The following SETBP1 variants were observed in gnomAD, a reference collection of about 807,000 sequenced individuals.
SETBP1 encodes the protein SET-binding protein.
SETBP1 carries 9 observed loss-of-function variants against 101.0 expected under a neutral mutation model. The ratio of observed to expected loss-of-function variants is 0.09; its 90% CI spans 0.05 to 0.16. The LOEUF is 0.16. Among genes scored for constraint, SETBP1 ranks in the 10% least tolerant of loss-of-function variants. The pLI, the probability that SETBP1 is intolerant of heterozygous loss-of-function variation, is 1.00. For missense variants in SETBP1, 1,858 were observed against 2,033.8 expected (o/e 0.91, Z 1.66); for synonymous variants, 818 against 788.5 (o/e 1.04, Z -0.63).
At chr18:44,869,194 A>G (rs2069211390) in intron 2 of SETBP1, 36 bp from the exon 3 acceptor site, 1 of 1,604,358 alleles carries the variant, frequency 6.2e-7, no homozygotes, top group Admixed American at 1.7e-5. Context: ...GCAAACTGAA[A>G]AGTGTCACTG....
Position 44,991,282 on chromosome 18 carries a change from C to T in SETBP1, c.4000+37942C>T, listed in dbSNP as rs536075558. On this transcript the variant is annotated intron_variant, in intron 4 of 5. Coordinates refer to ENST00000649279, the MANE Select transcript of SETBP1 (RefSeq NM_015559.3). ...AAAAAAAAAAGGAAGAAACAAGAAA[C>T]GGAAAATTGGACAATATAAATCATG... Among the ~76,000 whole-genome samples, 10 of 134,660 alleles carry T rather than the reference C, an allele frequency of 7.4e-5. No homozygotes were observed. The South Asian group carries it at 1.9e-3, about 26-fold the overall frequency. The allele number at this position is 134,660 out of a possible 152,430, so 88.3% of individuals were successfully genotyped here.
chr18:44,845,750 A>T (rs1013822706), intron 2 of SETBP1, among the ~76,000 whole-genome samples: 1 of 152,182 alleles, frequency 6.6e-6, no homozygotes. Flanking sequence ...TTTCTCATTT[A>T]TCTAAATTCT....
chr18:44,795,262 A>G (rs1313540285), intron 2 of SETBP1, among the ~76,000 whole-genome samples: 2 of 152,152 alleles, frequency 1.3e-5, no homozygotes, highest in African/African-American at 2.4e-5. Flanking sequence ...CTGAAATAGC[A>G]TGGGTGGTCT....
intron 2 of SETBP1, among the ~76,000 whole-genome samples, chr18:44,820,239 G>T (rs2072082155): frequency 6.6e-6 from 1 of 152,230 alleles, no homozygotes; most frequent in South Asian, 2.1e-4. Flanking sequence ...TGAACCTACA[G>T]CCTAGTCAAC....
chr18:44,737,380 G>A (rs184522053), intron 2 of SETBP1, among the ~76,000 whole-genome samples: 1 of 152,296 alleles, frequency 6.6e-6, no homozygotes, highest in Admixed American at 6.5e-5. Flanking sequence ...CTGGGGAGAG[G>A]ACTGGTTTCT....
intron 2 of SETBP1, among the ~76,000 whole-genome samples, chr18:44,799,438 C>T (rs551733688): frequency 6.6e-6 from 1 of 152,190 alleles, no homozygotes; most frequent in South Asian, 2.1e-4. Context: ...TGCAGGCATG[C>T]GTAGAAACAC....
intron 4 of SETBP1, among the ~76,000 whole-genome samples, chr18:45,006,618 G>T (rs927948290): frequency 4.6e-5 from 7 of 152,086 alleles, no homozygotes; most frequent in Admixed American, 4.6e-4. Flanking sequence ...ATTTCTTATG[G>T]CATTCGCCCT....
At chr18:44,751,114 A>T (rs1324985987) in intron 2 of SETBP1, among the ~76,000 whole-genome samples, 1 of 152,224 alleles carries the variant, frequency 6.6e-6, no homozygotes, top group Admixed American at 6.5e-5. Context: ...GGACATGGCA[A>T]AGTAAAGTTT....
At chr18:44,755,349 C>T (rs186787760) in intron 2 of SETBP1, among the ~76,000 whole-genome samples, 379 of 152,228 alleles carry the variant, frequency 2.5e-3, no homozygotes, top group Non-Finnish European at 4.1e-3. Context: ...GACATGAGTC[C>T]GTGGACTGAG....
intron 2 of SETBP1, among the ~76,000 whole-genome samples, chr18:44,857,406 A>T (rs1568183809): frequency 6.6e-6 from 1 of 152,200 alleles, no homozygotes; most frequent in Non-Finnish European, 1.5e-5. Context: ...AGGCTGTCAG[A>T]TCAGAAAGGA....
At chr18:44,809,164 G>A (rs745659534) in intron 2 of SETBP1, among the ~76,000 whole-genome samples, 2 of 152,148 alleles carry the variant, frequency 1.3e-5, no homozygotes, top group Non-Finnish European at 2.9e-5. Context: ...ATAGTTGGAT[G>A]AATCTTTCAA....
intron 3 of SETBP1, among the ~76,000 whole-genome samples, chr18:44,921,216 T>C (rs1307509649): frequency 1.3e-5 from 2 of 152,242 alleles, no homozygotes; most frequent in Non-Finnish European, 2.9e-5. Context: ...AGAACCTAAC[T>C]ACAGTGTAAT....
At chr18:44,727,856 G>A (rs1339687954) in intron 2 of SETBP1, among the ~76,000 whole-genome samples, 1 of 152,046 alleles carries the variant, frequency 6.6e-6, no homozygotes, top group African/African-American at 2.4e-5. Context: ...CCACTTCTTG[G>A]TCTTATCTAA....
At chr18:44,816,556 A>C (rs1322580124) in intron 2 of SETBP1, among the ~76,000 whole-genome samples, 2 of 152,184 alleles carry the variant, frequency 1.3e-5, no homozygotes, top group African/African-American at 2.4e-5. Context: ...ATCAAAATCC[A>C]GTTATCAAGC....
At chr18:45,042,854 C>T (rs922835335) in intron 5 of SETBP1, among the ~76,000 whole-genome samples, 6 of 152,036 alleles carry the variant, frequency 3.9e-5, no homozygotes, top group East Asian at 1.9e-4. Flanking sequence ...CAGTGGCTGC[C>T]GGAGGTGCTC....
intron 4 of SETBP1, among the ~76,000 whole-genome samples, chr18:45,010,232 G>A (rs887510688): frequency 6.6e-6 from 1 of 152,108 alleles, no homozygotes; most frequent in African/African-American, 2.4e-5. Context: ...CTTAACTCCT[G>A]GACCCAAAAG....
At chr18:45,010,026 C>A (rs980559905) in intron 4 of SETBP1, among the ~76,000 whole-genome samples, 9 of 152,260 alleles carry the variant, frequency 5.9e-5, no homozygotes, top group African/African-American at 2.2e-4. Flanking sequence ...TTACTGAGCA[C>A]AACTGGAGGA....
At chr18:44,857,155 T>A (rs899702319) in intron 2 of SETBP1, among the ~76,000 whole-genome samples, 3 of 152,198 alleles carry the variant, frequency 2.0e-5, no homozygotes, top group Non-Finnish European at 1.5e-5. Flanking sequence ...GGAGAAAACA[T>A]GAAACCTCTT....
chr18:44,997,736 C>A (rs2072529244), intron 4 of SETBP1, among the ~76,000 whole-genome samples: 1 of 152,150 alleles, frequency 6.6e-6, no homozygotes, highest in Non-Finnish European at 1.5e-5. Context: ...CCATTGTATA[C>A]CATTCCAAAT....
Sources: allele counts gnomAD v4.1 joint callset (sites outside exome capture counted in the v4.1 genomes callset), GRCh38; gene constraint gnomAD v4.1.1; transcripts MANE v1.5; gene names NCBI Gene and HGNC (gene_info 2026-07-23, HGNC 2026-07-21).